The following LRRC4C variants were observed in gnomAD, a reference collection of about 807,000 sequenced individuals.
LRRC4C encodes the protein leucine rich repeat containing 4C.
LRRC4C carries 5 observed loss-of-function variants against 33.6 expected under a neutral mutation model. The ratio of observed to expected loss-of-function variants is 0.15; its 90% CI spans 0.08 to 0.31. The LOEUF is 0.31. Among genes scored for constraint, LRRC4C ranks in the 10% least tolerant of loss-of-function variants. LRRC4C has a pLI of 1.00. For synonymous variants in LRRC4C, 329 were observed against 302.0 expected, an observed-to-expected ratio of 1.09 and a Z score of -0.93; for missense variants, 560 against 796.7, an observed-to-expected ratio of 0.70 and a Z score of 3.58.
rs1950559443 is a variant in LRRC4C, at chr11:40,422,608, C to T, written c.-269-102887G>A. On this transcript the variant is annotated intron_variant, in intron 3 of 6. Transcript: ENST00000528697. ...AAAGAAGGTGAATAACAGAGTTTTG[C>T]TAGAATCCCAAGTTCTACGAAAACT... Among the ~76,000 whole-genome samples the T allele has an allele frequency of 2.0e-5, 3 of 151,764 alleles. No individual in the cohort carries two copies. In the South Asian group the frequency reaches 6.2e-4, roughly 32 times the overall value.
At chr11:41,418,894 A>C (rs961871838) in intron 1 of LRRC4C, among the ~76,000 whole-genome samples, 2 of 151,984 alleles carry the variant, frequency 1.3e-5, no homozygotes, top group African/African-American at 4.8e-5. Flanking sequence ...GTAGTGTATG[A>C]ATTTTAAATA....
intron 1 of LRRC4C, among the ~76,000 whole-genome samples, chr11:41,259,575 T>C (rs537503467): frequency 2.0e-5 from 3 of 152,122 alleles, no homozygotes; most frequent in African/African-American, 7.2e-5. Context: ...TTTAATCACA[T>C]ATGCGCAAAT....
chr11:41,222,108 A>G (rs1947334177), intron 1 of LRRC4C, among the ~76,000 whole-genome samples: 1 of 152,226 alleles, frequency 6.6e-6, no homozygotes, highest in Non-Finnish European at 1.5e-5. Flanking sequence ...ATTTCAAATG[A>G]TCAACTAGCA....
intron 1 of LRRC4C, among the ~76,000 whole-genome samples, chr11:41,440,260 A>T (rs1170352126): frequency 1.3e-5 from 2 of 152,028 alleles, no homozygotes; most frequent in Non-Finnish European, 2.9e-5. Context: ...TATTTTTGGA[A>T]AAAAGGAGTT....
At chr11:41,092,956 A>G (rs1294025494) in intron 1 of LRRC4C, among the ~76,000 whole-genome samples, 1 of 152,236 alleles carries the variant, frequency 6.6e-6, no homozygotes, top group Non-Finnish European at 1.5e-5. Context: ...GTAATGTTTT[A>G]TACACATTAC....
At chr11:41,116,368 C>T (rs1396196922) in intron 1 of LRRC4C, among the ~76,000 whole-genome samples, 1 of 152,060 alleles carries the variant, frequency 6.6e-6, no homozygotes, top group Non-Finnish European at 1.5e-5. Flanking sequence ...AGCCCAATTA[C>T]ATAGTAAACA....
intron 3 of LRRC4C, among the ~76,000 whole-genome samples, chr11:40,590,211 G>A (rs147806604): frequency 0.28 from 41,521 of 149,920 alleles, 6,038 homozygotes; most frequent in Middle Eastern, 0.37. Context: ...TTCCCTTCTC[G>A]CTTCATTTTC....
chr11:40,764,545 C>T (rs1277035160), intron 2 of LRRC4C, among the ~76,000 whole-genome samples: 1 of 152,160 alleles, frequency 6.6e-6, no homozygotes, highest in Non-Finnish European at 1.5e-5. Flanking sequence ...AGCTTACCGC[C>T]TTGAAGTTAA....
chr11:40,257,496 C>T (rs1198494128), intron 4 of LRRC4C, among the ~76,000 whole-genome samples: 1 of 152,254 alleles, frequency 6.6e-6, no homozygotes, highest in South Asian at 2.1e-4. Flanking sequence ...TGTCTTCCCT[C>T]CTCCATGTGG....
chr11:40,676,162 C>T (rs924042459), intron 2 of LRRC4C, among the ~76,000 whole-genome samples: 1 of 152,134 alleles, frequency 6.6e-6, no homozygotes, highest in African/African-American at 2.4e-5. Flanking sequence ...ATCAAACAGC[C>T]AACTAGATGA....
intron 4 of LRRC4C, among the ~76,000 whole-genome samples, chr11:40,275,331 C>T (rs1943023218): frequency 1.3e-5 from 2 of 152,200 alleles, no homozygotes; most frequent in African/African-American, 4.8e-5. Context: ...TTAAATGTAA[C>T]AATTTCATCC....
intron 1 of LRRC4C, among the ~76,000 whole-genome samples, chr11:41,324,084 T>C (rs981875013): frequency 1.3e-5 from 2 of 152,206 alleles, no homozygotes; most frequent in African/African-American, 4.8e-5. Context: ...AAGTCTCACC[T>C]TCAAATTACA....
intron 1 of LRRC4C, among the ~76,000 whole-genome samples, chr11:41,195,654 C>G (rs1946149073): frequency 6.6e-6 from 1 of 151,950 alleles, no homozygotes; most frequent in Non-Finnish European, 1.5e-5. Flanking sequence ...TGAAAGCAGA[C>G]ACAGAATAAT....
At chr11:40,340,037 A>G (rs1307260293) in intron 3 of LRRC4C, among the ~76,000 whole-genome samples, 1 of 152,134 alleles carries the variant, frequency 6.6e-6, no homozygotes, top group Non-Finnish European at 1.5e-5. Flanking sequence ...GAATAACTAG[A>G]AATTTTAATT....
chr11:40,481,937 G>C (rs976001581), intron 3 of LRRC4C, among the ~76,000 whole-genome samples: 1 of 152,090 alleles, frequency 6.6e-6, no homozygotes, highest in South Asian at 2.1e-4. Flanking sequence ...TTATTATATG[G>C]GAATAATATT....
chr11:40,300,277 AC>A, intron 4 of LRRC4C, among the ~76,000 whole-genome samples: 1 of 152,296 alleles, frequency 6.6e-6, no homozygotes, highest in Non-Finnish European at 1.5e-5. Context: ...TTACAATTTG[AC>A]ATGAGACTCC....
At chr11:40,122,062 C>G (rs554221024) in intron 6 of LRRC4C, among the ~76,000 whole-genome samples, 1 of 152,090 alleles carries the variant, frequency 6.6e-6, no homozygotes, top group Non-Finnish European at 1.5e-5. Context: ...ATAGGAACTT[C>G]CCCCAAAGTT....
intron 1 of LRRC4C, among the ~76,000 whole-genome samples, chr11:40,939,039 A>G (rs952191119): frequency 2.6e-5 from 4 of 152,106 alleles, no homozygotes; most frequent in Admixed American, 2.0e-4. Context: ...ATAATAGTGA[A>G]TGGAAAAAAA....
At chr11:40,578,043 C>A (rs1591160982) in intron 3 of LRRC4C, among the ~76,000 whole-genome samples, 1 of 150,250 alleles carries the variant, frequency 6.7e-6, no homozygotes, top group Non-Finnish European at 1.5e-5. Context: ...ACCGTGTTAG[C>A]CAGGATGGTC....
Sources: gnomAD v4.1 joint callset for allele counts (sites outside exome capture counted in the v4.1 genomes callset) on GRCh38, gnomAD v4.1.1 for gene constraint, MANE v1.5 for transcripts, NCBI Gene and HGNC (gene_info 2026-07-23, HGNC 2026-07-21) for gene names.